The following SNTG1 variants were observed in gnomAD, a reference collection of about 807,000 sequenced individuals.
SNTG1 encodes the protein syntrophin gamma 1.
In SNTG1, 39 loss-of-function variants were observed where a neutral mutation model predicts 74.7. The observed-to-expected ratio is 0.52, with a 90% CI of 0.40 to 0.68. The LOEUF (loss-of-function observed/expected upper bound fraction) is 0.68, where lower values mean the gene tolerates loss of function less well. Ranked by LOEUF, SNTG1 falls within the 30% of genes least tolerant of loss-of-function variation. The probability of loss-of-function intolerance (pLI) is 0.00; values close to 1 mark genes in which losing one functional copy is unlikely to be tolerated. For missense variants in SNTG1, 685 were observed against 609.5 expected (o/e 1.12, Z -1.30); for synonymous variants, 254 against 217.1 (o/e 1.17, Z -1.49).
intron 1 of SNTG1, among the ~76,000 whole-genome samples, chr8:50,152,502 C>T (rs2082104127): frequency 1.3e-5 from 2 of 152,142 alleles, no homozygotes; most frequent in Admixed American, 1.3e-4. Flanking sequence ...TTCCTAGCAT[C>T]AATGGTCTTT....
intron 1 of SNTG1, among the ~76,000 whole-genome samples, chr8:49,914,393 C>T (rs915272852): frequency 1.3e-5 from 2 of 149,450 alleles, no homozygotes; most frequent in South Asian, 4.2e-4. Context: ...TTGGATAAGA[C>T]TAAGTGTTGT....
chr8:50,014,855 C>T (rs1171758631), intron 1 of SNTG1, among the ~76,000 whole-genome samples: 3 of 151,834 alleles, frequency 2.0e-5, no homozygotes, highest in Non-Finnish European at 2.9e-5. Flanking sequence ...TAGAATTATT[C>T]CAGTAAAGCT....
Position 50,232,893 on chromosome 8 carries a change from G to A in SNTG1, c.-28+60258G>A, listed in dbSNP as rs958008355. On this transcript the variant is annotated intron_variant, in intron 2 of 18. Coordinates refer to ENST00000642720, the MANE Select transcript of SNTG1 (RefSeq NM_018967.5). ...TAAAACACCTACAGGACTTTAACCC[G>A]AAAACTCAATGATTCTGGTGAAATA... Among the ~76,000 whole-genome samples, 22 of 151,442 alleles carry A rather than the reference G, an allele frequency of 1.5e-4. 1 individual carries two copies. Among genetic ancestry groups the A allele is most frequent in the Middle Eastern group, 3.4e-3 (1 of 294 alleles).
At chr8:50,042,474 A>G (rs1273974804) in intron 1 of SNTG1, among the ~76,000 whole-genome samples, 2 of 152,146 alleles carry the variant, frequency 1.3e-5, no homozygotes, top group African/African-American at 4.8e-5. Context: ...GGTAGGAGGA[A>G]AGCTTTGGCC....
At chr8:49,911,285 T>A (rs930113261), upstream of SNTG1, 2 of 152,070 alleles carry the variant, frequency 1.3e-5, no homozygotes, top group African/African-American at 4.8e-5. Flanking sequence ...CCACGAGCTT[T>A]CCAAAGAAGC....
chr8:50,096,684 A>G (rs1032069333), intron 1 of SNTG1, among the ~76,000 whole-genome samples: 1 of 152,226 alleles, frequency 6.6e-6, no homozygotes. Context: ...AATAGGAGAT[A>G]CATATTGCAA....
intron 11 of SNTG1, among the ~76,000 whole-genome samples, chr8:50,539,885 C>A (rs528737311): frequency 6.6e-6 from 1 of 152,086 alleles, no homozygotes; most frequent in Non-Finnish European, 1.5e-5. Context: ...TTTATTGTAC[C>A]CATTCTCTAG....
chr8:50,463,486 T>G (rs76636913), intron 8 of SNTG1, among the ~76,000 whole-genome samples: 2,745 of 152,256 alleles, frequency 0.018, 95 homozygotes, highest in African/African-American at 0.063. Flanking sequence ...AAAATTAATC[T>G]TATTTTACAT....
intron 2 of SNTG1, among the ~76,000 whole-genome samples, chr8:50,187,295 C>T (rs1360142366): frequency 2.0e-5 from 3 of 152,074 alleles, no homozygotes; most frequent in Non-Finnish European, 4.4e-5. Context: ...ATGAAAACAG[C>T]AAGGTACTGG....
intron 1 of SNTG1, among the ~76,000 whole-genome samples, chr8:50,171,137 G>A (rs1322005287): frequency 6.6e-6 from 1 of 152,140 alleles, no homozygotes; most frequent in Admixed American, 6.5e-5. Flanking sequence ...ACAGCCAAGA[G>A]GCATTTCAGG....
rs2083775796 is a variant in SNTG1, at chr8:50,196,533, G to A, written c.-28+23898G>A. ...TCTCTCATTTGTTTTGGATTATTTGGATCAAAGCATTGTCTGCTTTCTTTT... is the reference window on the plus strand; with the variant it reads ...TCTCTCATTTGTTTTGGATTATTTGAATCAAAGCATTGTCTGCTTTCTTTT... On this transcript the variant is annotated intron_variant, in intron 2 of 18. Coordinates refer to ENST00000642720, the MANE Select transcript of SNTG1 (RefSeq NM_018967.5). Among the ~76,000 whole-genome samples the A allele has an allele frequency of 2.6e-5, 4 of 152,176 alleles. No individual in the cohort carries two copies. In the South Asian group the frequency reaches 8.3e-4, roughly 32 times the overall value.
chr8:50,774,482 A>C (rs2095634970), intron 18 of SNTG1, among the ~76,000 whole-genome samples: 1 of 151,876 alleles, frequency 6.6e-6, no homozygotes, highest in African/African-American at 2.4e-5. Context: ...AGGCTGTCAT[A>C]TAAGAGGTTC....
At chr8:50,502,069 T>G (rs2093963874) in intron 8 of SNTG1, among the ~76,000 whole-genome samples, 1 of 152,192 alleles carries the variant, frequency 6.6e-6, no homozygotes, top group Admixed American at 6.5e-5. Flanking sequence ...TGAAATTATT[T>G]TAACTGGAAG....
intron 14 of SNTG1, 55 bp downstream of exon 14, chr8:50,657,080 C>T (rs200723513): frequency 1.6e-5 from 17 of 1,030,636 alleles, no homozygotes; most frequent in Middle Eastern, 2.5e-4. Flanking sequence ...AAGAGATTGA[C>T]ACCAACTTAA....
intron 4 of SNTG1, among the ~76,000 whole-genome samples, chr8:50,414,731 T>TTG (rs139542825): frequency 2.6e-5 from 4 of 151,876 alleles, no homozygotes; most frequent in South Asian, 2.1e-4. Flanking sequence ...TCAAGATTAG[T>TTG]TGTGTGTGTG....
At position 50,450,840 on chromosome 8, in the gene SNTG1, T is replaced by A. The variant is rs969506946; in HGVS notation, c.363+111T>A. ...TTAGGCAGATATGACATTTATCCAG[T>A]TTGATATCAAATTTTCAAATGTTCT... is the stretch of plus-strand genomic sequence containing the variant. On this transcript the variant is annotated intron_variant, in intron 8 of 18. Transcript: ENST00000642720. 6.5e-6 allele frequency: 7 copies of A among 1,077,726 alleles called. No individual in the cohort carries two copies. In the African/African-American group the frequency reaches 8.0e-5, roughly 12 times the overall value. The allele number at this position is 1,077,726 out of a possible 1,614,324, so 66.8% of individuals were successfully genotyped here.
chr8:50,334,967 G>A (rs2091093238), intron 2 of SNTG1, among the ~76,000 whole-genome samples: 1 of 152,086 alleles, frequency 6.6e-6, no homozygotes, highest in Non-Finnish European at 1.5e-5. Context: ...TACTTACAAA[G>A]GAGACTATTT....
At chr8:50,101,978 T>C (rs1354724908) in intron 1 of SNTG1, among the ~76,000 whole-genome samples, 1 of 152,112 alleles carries the variant, frequency 6.6e-6, no homozygotes, top group Non-Finnish European at 1.5e-5. Flanking sequence ...TTTGGGTTGG[T>C]TCCAAGTCTT....
At chr8:50,074,227 G>A (rs896761434) in intron 1 of SNTG1, among the ~76,000 whole-genome samples, 3 of 152,058 alleles carry the variant, frequency 2.0e-5, no homozygotes, top group African/African-American at 4.8e-5. Flanking sequence ...ATGTTATGAT[G>A]ATGACTTCTT....
Sources: allele counts gnomAD v4.1 joint callset (sites outside exome capture counted in the v4.1 genomes callset), GRCh38; gene constraint gnomAD v4.1.1; transcripts MANE v1.5; gene names NCBI Gene and HGNC (gene_info 2026-07-23, HGNC 2026-07-21).